BCAS3: variants seen among roughly 807,000 people sequenced by gnomAD.
The protein encoded by BCAS3 is BCAS4/BCAS3 fusion.
In BCAS3, 53 loss-of-function variants were observed where a neutral mutation model predicts 116.1. The observed-to-expected ratio is 0.46, with a 90% confidence interval of 0.37 to 0.57. The LOEUF is 0.57. BCAS3 is among the 20% of genes least tolerant of loss of function. The pLI, the probability that BCAS3 is intolerant of heterozygous loss-of-function variation, is 0.00. For missense variants in BCAS3, 917 were observed against 1,165.4 expected (o/e 0.79, Z 3.10); for synonymous variants, 391 against 408.2 (o/e 0.96, Z 0.51).
intron 9 of BCAS3, among the ~76,000 whole-genome samples, chr17:60,877,636 C>T (rs1599366362): frequency 6.6e-6 from 1 of 152,174 alleles, no homozygotes; most frequent in East Asian, 1.9e-4. Context: ...GAATTCTTCA[C>T]TACAGGAAGA....
intron 5 of BCAS3, among the ~76,000 whole-genome samples, chr17:60,725,930 T>C (rs930683027): frequency 7.2e-5 from 11 of 152,104 alleles, no homozygotes; most frequent in Non-Finnish European, 1.5e-4. Context: ...AGTTTCGCTC[T>C]TGTTGCCCAG....
intron 5 of BCAS3, among the ~76,000 whole-genome samples, chr17:60,734,776 C>T (rs2040805349): frequency 1.3e-5 from 2 of 152,140 alleles, no homozygotes; most frequent in African/African-American, 4.8e-5. Flanking sequence ...TCTGACTTTG[C>T]TTTCTCCTTC....
At chr17:60,879,329 A>G (rs2055901949) in intron 9 of BCAS3, among the ~76,000 whole-genome samples, 1 of 152,212 alleles carries the variant, frequency 6.6e-6, no homozygotes. Flanking sequence ...CATTGGTTAT[A>G]TGTGAATACA....
intron 7 of BCAS3, among the ~76,000 whole-genome samples, chr17:60,867,450 T>C (rs1338803258): frequency 6.6e-6 from 1 of 152,172 alleles, no homozygotes; most frequent in Non-Finnish European, 1.5e-5. Flanking sequence ...TGTGTAGATA[T>C]ATTATGAATC....
At chr17:60,821,609 A>G (rs968484348) in intron 7 of BCAS3, 1 of 152,170 alleles carries the variant, frequency 6.6e-6, no homozygotes, top group Non-Finnish European at 1.5e-5. Context: ...GTGGAATCAT[A>G]TAGTATGTAC....
At position 61,233,705 on chromosome 17, in the gene BCAS3, T is replaced by C. The variant is rs900732564; in HGVS notation, c.2426-134622T>C. ...TTAAAAATGAAAGCATGGATTAGGC[T>C]AGCTCTTCGTCAAACCTCCCTTCTC... On this transcript the variant is annotated intron_variant, in intron 22 of 23. Coordinates refer to ENST00000407086, the MANE Select transcript of BCAS3 (RefSeq NM_017679.5). The surrounding 1 kb of genome is among the most constrained non-coding windows in gnomAD (Gnocchi z 4.3). 6.6e-6 allele frequency among the ~76,000 whole-genome samples: 1 copy of C among 152,228 alleles called. No individual in the cohort carries two copies. The highest frequency in any genetic ancestry group is 6.5e-5 in the Admixed American group (1 of 15,276).
At position 61,313,472 on chromosome 17, in the gene BCAS3, T is replaced by C. The variant is rs914986258; in HGVS notation, c.2426-54855T>C. Reference sequence around the variant, plus strand: ...CAGTTGGCTCCTCTCTGAGAGCGGGTAAGAGTAGAAAAGAATTGCTGATCT... The same window carrying C: ...CAGTTGGCTCCTCTCTGAGAGCGGGCAAGAGTAGAAAAGAATTGCTGATCT... On this transcript the variant is annotated intron_variant, in intron 22 of 23. Coordinates refer to ENST00000407086, the MANE Select transcript of BCAS3 (RefSeq NM_017679.5). This position sits in a 1 kb window ranked among gnomAD's most constrained non-coding sequence, Gnocchi z 4.3. Among the ~76,000 whole-genome samples the C allele has an allele frequency of 4.6e-5, 7 of 152,210 alleles. No homozygotes were observed. The highest frequency in any genetic ancestry group is 3.9e-4 in the East Asian group (2 of 5,172).
intron 10 of BCAS3, among the ~76,000 whole-genome samples, chr17:60,892,871 G>A (rs1286910146): frequency 1.3e-5 from 2 of 151,912 alleles, no homozygotes; most frequent in African/African-American, 2.4e-5. Flanking sequence ...GCGGTGAGCC[G>A]AGATCATGCC....
At chr17:61,121,461 T>C (rs1338299632) in intron 22 of BCAS3, among the ~76,000 whole-genome samples, 2 of 152,220 alleles carry the variant, frequency 1.3e-5, no homozygotes, top group Non-Finnish European at 2.9e-5. Context: ...TGCTTTTGTC[T>C]ATTTAAGATT....
chr17:61,358,013 G>A (rs7209147), intron 22 of BCAS3, among the ~76,000 whole-genome samples: 2,188 of 151,630 alleles, frequency 0.014, 56 homozygotes, highest in African/African-American at 0.05. Flanking sequence ...ACTTGAGCCC[G>A]GGGGGCAGAG....
intron 4 of BCAS3, among the ~76,000 whole-genome samples, chr17:60,707,913 A>G (rs2037375322): frequency 2.0e-5 from 3 of 152,148 alleles, no homozygotes. Context: ...TTTGTAAAGT[A>G]TTTTTATATA....
chr17:61,341,429 C>G (rs2057142546), intron 22 of BCAS3, among the ~76,000 whole-genome samples: 1 of 152,166 alleles, frequency 6.6e-6, no homozygotes, highest in Non-Finnish European at 1.5e-5. Context: ...ATGGACACTT[C>G]CTGTTCTATC....
At position 61,191,419 on chromosome 17, in the gene BCAS3, C is replaced by T. The variant is rs533277520; in HGVS notation, c.2425+106855C>T. ...AGGACAAAGTAATAACTTTACAAAA[C>T]AAGAAATTATATAGCAAAAGCTTGT... On this transcript the variant is annotated intron_variant, in intron 22 of 23. Coordinates refer to ENST00000407086, the MANE Select transcript of BCAS3 (RefSeq NM_017679.5). Among the ~76,000 whole-genome samples the T allele has an allele frequency of 3.3e-5, 5 of 152,032 alleles. No individual in the cohort carries two copies. In the South Asian group the frequency reaches 1.0e-3, roughly 32 times the overall value.
At chr17:61,194,695 G>T (rs1441115777) in intron 22 of BCAS3, among the ~76,000 whole-genome samples, 2 of 146,950 alleles carry the variant, frequency 1.4e-5, no homozygotes, top group Non-Finnish European at 3.0e-5. Flanking sequence ...AGCCGAGATT[G>T]TGCCATTGCA....
At chr17:60,725,831 GA>G (rs1207322501) in intron 5 of BCAS3, among the ~76,000 whole-genome samples, 3 of 151,446 alleles carry the variant, frequency 2.0e-5, no homozygotes, top group Non-Finnish European at 4.4e-5. Flanking sequence ...ATGCCTGGGG[GA>G]GGGTTTTTTT....
At chr17:61,058,247 G>C (rs762865089) in intron 19 of BCAS3, among the ~76,000 whole-genome samples, 1 of 152,172 alleles carries the variant, frequency 6.6e-6, no homozygotes, top group Admixed American at 6.6e-5. Context: ...GTTGTCATAG[G>C]ATAGGAGACT....
intron 22 of BCAS3, among the ~76,000 whole-genome samples, chr17:61,264,231 C>G (rs117670432): frequency 6.6e-6 from 1 of 151,922 alleles, no homozygotes; most frequent in Non-Finnish European, 1.5e-5. Flanking sequence ...CTAGATCTTG[C>G]AGTTCTACTT....
intron 19 of BCAS3, among the ~76,000 whole-genome samples, chr17:61,047,647 CT>C: frequency 1.3e-5 from 2 of 152,018 alleles, no homozygotes; most frequent in East Asian, 3.9e-4. Flanking sequence ...CAGTGTATTC[CT>C]TTGCCAAAAA....
chr17:60,727,571 A>T (rs2040015606), intron 5 of BCAS3: 2 of 966,152 alleles, frequency 2.1e-6, no homozygotes, highest in Admixed American at 2.6e-5. Flanking sequence ...CTGACAGGAA[A>T]GGAAAAAACA....
Sources: gnomAD v4.1 joint callset for allele counts (sites outside exome capture counted in the v4.1 genomes callset) on GRCh38, gnomAD v4.1.1 for gene constraint, Gnocchi (gnomAD v3.1) non-coding constraint, MANE v1.5 for transcripts, NCBI Gene and HGNC (gene_info 2026-07-23, HGNC 2026-07-21) for gene names.